The following ASCC1 variants were observed in gnomAD, a reference collection of about 807,000 sequenced individuals.
ASCC1 encodes activating signal cointegrator 1 complex subunit 1.
A neutral mutation model predicts 46.6 loss-of-function variants in ASCC1; 35 were observed. That is an observed-to-expected ratio of 0.75 (90% CI 0.57 to 0.99). ASCC1 has a LOEUF of 0.99. Ranked by LOEUF, ASCC1 falls within the 50% of genes least tolerant of loss-of-function variation. The pLI is 0.00. For missense variants in ASCC1, 376 were observed against 428.7 expected, an observed-to-expected ratio of 0.88 and a Z score of 1.09; for synonymous variants, 143 against 146.6, an observed-to-expected ratio of 0.98 and a Z score of 0.18.
chr10:72,171,834 G>A (rs965400951), intron 5 of ASCC1, among the ~76,000 whole-genome samples: 1 of 152,106 alleles, frequency 6.6e-6, no homozygotes, highest in Admixed American at 6.5e-5. Context: ...ATCTTTGGAG[G>A]GCCATTGTTC....
At chr10:72,209,649 T>C (rs569205974) in intron 3 of ASCC1, among the ~76,000 whole-genome samples, 1 of 152,172 alleles carries the variant, frequency 6.6e-6, no homozygotes, top group East Asian at 1.9e-4. Flanking sequence ...CCAGGCATGG[T>C]GGTGGGCACC....
intron 9 of ASCC1, among the ~76,000 whole-genome samples, chr10:72,124,136 C>T (rs947986410): frequency 7.2e-5 from 11 of 152,134 alleles, no homozygotes; most frequent in Non-Finnish European, 1.3e-4. Context: ...CAAGAAAAGT[C>T]TCAATGTGGC....
chr10:72,118,640 A>G (rs764780182), intron 9 of ASCC1, among the ~76,000 whole-genome samples: 4 of 150,782 alleles, frequency 2.7e-5, no homozygotes, highest in Admixed American at 6.6e-5. Flanking sequence ...TTAGCCGGTC[A>G]TGGTGGTGCA....
At chr10:72,172,935 T>TTATATTA (rs1851411225) in intron 5 of ASCC1, among the ~76,000 whole-genome samples, 1 of 138,192 alleles carries the variant, frequency 7.2e-6, no homozygotes, top group African/African-American at 2.7e-5. Flanking sequence ...ATTATATATT[T>TTATATTA]TATATTATAT....
intron 7 of ASCC1, 108 bp downstream of exon 7, chr10:72,152,761 T>C: frequency 1.6e-6 from 2 of 1,287,178 alleles, no homozygotes; most frequent in South Asian, 1.3e-5. Flanking sequence ...ATAATTAACA[T>C]GTTCTTTACA....
chr10:72,215,228 G>A (rs1343094245), intron 1 of ASCC1, among the ~76,000 whole-genome samples: 1 of 152,096 alleles, frequency 6.6e-6, no homozygotes, highest in Non-Finnish European at 1.5e-5. Context: ...ATGAAACCCC[G>A]TCTCTACTGA....
rs568127442 is a variant in ASCC1 at position 72,155,055 on chromosome 10, A to G, written c.627-2067T>C. On this transcript the variant is annotated intron_variant, in intron 6 of 9. Transcript: ENST00000672957. ...TTAAAAAAGGTTTACAACAATGTGC[A>G]TGCTATGCTACTTGTACAAAAGATG... 1.8e-3 allele frequency among the ~76,000 whole-genome samples: 277 copies of G among 151,676 alleles called. 2 individuals carry two copies. Among genetic ancestry groups the G allele is most frequent in the African/African-American group, 6.1e-3 (250 of 40,956 alleles).
intron 9 of ASCC1, among the ~76,000 whole-genome samples, chr10:72,123,275 C>T (rs1844437158): frequency 6.7e-6 from 1 of 149,406 alleles, no homozygotes; most frequent in Admixed American, 6.7e-5. Flanking sequence ...GGAGGTGGAG[C>T]TTGCAGTGAG....
At chr10:72,135,077 T>TA (rs1846029372) in intron 7 of ASCC1, among the ~76,000 whole-genome samples, 3 of 152,294 alleles carry the variant, frequency 2.0e-5, no homozygotes, top group African/African-American at 4.8e-5. Flanking sequence ...GGGCTGTGTG[T>TA]GTTTTCAATG....
intron 3 of ASCC1, among the ~76,000 whole-genome samples, chr10:72,206,784 C>T (rs969110969): frequency 6.6e-6 from 1 of 152,134 alleles, no homozygotes; most frequent in African/African-American, 2.4e-5. Flanking sequence ...GATTGAGGCC[C>T]TTTGTTTTGG....
At position 72,096,495 on chromosome 10, in the gene ASCC1, G is replaced by A. The variant is rs1237020512; in HGVS notation, c.*839C>T. 3 of 454,130 alleles carry A rather than the reference G, an allele frequency of 6.6e-6. No individual in the cohort carries two copies. Among genetic ancestry groups the A allele is most frequent in the Non-Finnish European group, 1.3e-5 (3 of 226,792 alleles). 28.1% of individuals were successfully genotyped at this position (454,130 alleles called of 1,614,324 possible). A position where few individuals can be genotyped will look rare whatever the true frequency, so the allele number is the denominator to read the frequency against. ...ACAAATATTAAGAGGACAAACTTTG[G>A]TAGGAAAATGATAGACCAAGCAAAG... On this transcript the variant is annotated 3_prime_UTR_variant, in exon 10 of 10. Coordinates refer to ENST00000672957, the MANE Select transcript of ASCC1 (RefSeq NM_001198800.3).
chr10:72,153,619 G>T (rs1455189036), intron 6 of ASCC1, among the ~76,000 whole-genome samples: 1 of 151,674 alleles, frequency 6.6e-6, no homozygotes, highest in Non-Finnish European at 1.5e-5. Context: ...GTAGAGATGG[G>T]GTTTCACCAT....
intron 5 of ASCC1, among the ~76,000 whole-genome samples, chr10:72,188,854 C>G (rs1489801544): frequency 6.6e-6 from 1 of 151,858 alleles, no homozygotes; most frequent in Non-Finnish European, 1.5e-5. Flanking sequence ...ACCTCCTGGG[C>G]TTAAGCATCC....
chr10:72,122,571 A>G (rs1389839919), intron 9 of ASCC1, among the ~76,000 whole-genome samples: 5 of 152,118 alleles, frequency 3.3e-5, no homozygotes, highest in Non-Finnish European at 2.9e-5. Flanking sequence ...CAGGAGTTAG[A>G]GAACAGCCTG....
At chr10:72,147,703 C>T (rs1389430021) in intron 7 of ASCC1, among the ~76,000 whole-genome samples, 1 of 152,184 alleles carries the variant, frequency 6.6e-6, no homozygotes, top group African/African-American at 2.4e-5. Flanking sequence ...CTTAGGCTCT[C>T]TGAACTTCCC....
chr10:72,195,964 T>A (rs1855362394), intron 5 of ASCC1, among the ~76,000 whole-genome samples: 1 of 152,224 alleles, frequency 6.6e-6, no homozygotes, highest in African/African-American at 2.4e-5. Flanking sequence ...TTTTCTAAAT[T>A]TTCTATAATA....
chr10:72,184,964 T>G (rs1212383068), intron 5 of ASCC1, among the ~76,000 whole-genome samples: 1 of 152,072 alleles, frequency 6.6e-6, no homozygotes, highest in Non-Finnish European at 1.5e-5. Context: ...ACAAAATATT[T>G]GAACAGGTAC....
At position 72,096,834 on chromosome 10, in the gene ASCC1, C is replaced by T. The variant is rs1209447901; in HGVS notation, c.*500G>A. The T allele has an allele frequency of 2.2e-6, 1 of 453,940 alleles. No individual in the cohort carries two copies. Among genetic ancestry groups the T allele is most frequent in the Non-Finnish European group, 4.4e-6 (1 of 226,808 alleles). 28.1% of individuals were successfully genotyped at this position (453,940 alleles called of 1,614,324 possible). A position where few individuals can be genotyped will look rare whatever the true frequency, so the allele number is the denominator to read the frequency against. The stretch of plus-strand genomic sequence containing the variant: ...CAAAAAGACAAGTCACTGTATGATT[C>T]CACTTATATGAGATACTGAGAATAG... On this transcript the variant is annotated 3_prime_UTR_variant, in exon 10 of 10. Transcript: ENST00000672957.
chr10:72,149,592 G>C (rs1848087150), intron 7 of ASCC1, among the ~76,000 whole-genome samples: 1 of 151,774 alleles, frequency 6.6e-6, no homozygotes, highest in Non-Finnish European at 1.5e-5. Context: ...TAATTTTTAA[G>C]AATTATGAGA....
Sources: gnomAD v4.1 joint callset for allele counts (sites outside exome capture counted in the v4.1 genomes callset) on GRCh38, gnomAD v4.1.1 for gene constraint, MANE v1.5 for transcripts, NCBI Gene and HGNC (gene_info 2026-07-23, HGNC 2026-07-21) for gene names.